The following PTBP2 variants were observed in gnomAD, a reference collection of about 807,000 sequenced individuals.
PTBP2 encodes polypyrimidine tract binding protein 2, also known as polypyrimidine tract-binding protein 2.
Under a neutral mutation model 61.4 loss-of-function variants are expected in PTBP2, and 13 were observed. The observed-to-expected ratio is 0.21, with a 90% CI of 0.14 to 0.34. PTBP2 has a LOEUF of 0.34. Among genes scored for constraint, PTBP2 ranks in the 10% least tolerant of loss-of-function variants. The pLI is 1.00. For missense variants in PTBP2, 405 were observed against 642.6 expected (o/e 0.63, Z 4.00); for synonymous variants, 215 against 218.5 (o/e 0.98, Z 0.14).
At chr1:96,734,013 A>T (rs892511321) in intron 2 of PTBP2, among the ~76,000 whole-genome samples, 1 of 152,188 alleles carries the variant, frequency 6.6e-6, no homozygotes, top group Non-Finnish European at 1.5e-5. Flanking sequence ...TTCTTAATTT[A>T]GTTCTAGGCA....
chr1:96,806,481 T>C lies in PTBP2; in HGVS notation c.1078+29T>C. The C allele has an allele frequency of 1.9e-6, 3 of 1,591,802 alleles. No homozygotes were observed. In the South Asian group the frequency reaches 3.3e-5, roughly 18 times the overall value. On this transcript the variant is annotated intron_variant, in intron 10 of 13. Coordinates refer to ENST00000674951, the MANE Select transcript of PTBP2 (RefSeq NM_021190.4). ...TGTTATTGTTAGCACTATACTTTTATTATTGATTTGATTTTTGTTTCACCT... is the reference window on the plus strand; with the variant it reads ...TGTTATTGTTAGCACTATACTTTTACTATTGATTTGATTTTTGTTTCACCT...
chr1:96,739,676 G>A, intron 2 of PTBP2, among the ~76,000 whole-genome samples: 1 of 143,806 alleles, frequency 7.0e-6, no homozygotes, highest in Middle Eastern at 3.5e-3. Context: ...GCCCAGGCTG[G>A]AGTGCAGTGG....
chr1:96,733,916 G>A (rs1273832564), intron 2 of PTBP2, among the ~76,000 whole-genome samples: 3 of 152,112 alleles, frequency 2.0e-5, no homozygotes, highest in African/African-American at 7.2e-5. Context: ...AGTATTTCAT[G>A]GAGTGCTATG....
chr1:96,811,755 T>G (rs1349678083), intron 11 of PTBP2, among the ~76,000 whole-genome samples: 3 of 152,220 alleles, frequency 2.0e-5, no homozygotes, highest in African/African-American at 7.2e-5. Context: ...ATTATAGTCA[T>G]TTAGACCTTC....
At chr1:96,815,577 GT>G (rs1472604631), downstream of PTBP2, 1 of 152,000 alleles carries the variant, frequency 6.6e-6, no homozygotes, top group Non-Finnish European at 1.5e-5. Flanking sequence ...TAACTTTGGA[GT>G]TACACATGTT....
intron 2 of PTBP2, among the ~76,000 whole-genome samples, chr1:96,740,863 A>T (rs961726804): frequency 2.6e-5 from 4 of 151,800 alleles, no homozygotes; most frequent in African/African-American, 9.7e-5. Context: ...TTAATATTTG[A>T]CGAGATTGAT....
intron 2 of PTBP2, among the ~76,000 whole-genome samples, chr1:96,727,520 A>G (rs1288778059): frequency 2.6e-5 from 4 of 152,184 alleles, no homozygotes; most frequent in African/African-American, 7.2e-5. Flanking sequence ...TCAGCATGGT[A>G]TGAAATTTCC....
intron 5 of PTBP2, among the ~76,000 whole-genome samples, chr1:96,774,922 G>C (rs1221862013): frequency 6.6e-6 from 1 of 152,146 alleles, no homozygotes; most frequent in African/African-American, 2.4e-5. Flanking sequence ...AACCTGGCAT[G>C]TTTTCTCTTG....
intron 3 of PTBP2, among the ~76,000 whole-genome samples, chr1:96,754,580 T>G (rs983342968): frequency 2.0e-5 from 3 of 152,154 alleles, no homozygotes; most frequent in Non-Finnish European, 2.9e-5. Context: ...GAGGAAAAAT[T>G]GGAGCATTGA....
At chr1:96,765,752 T>A (rs11165719) in intron 3 of PTBP2, among the ~76,000 whole-genome samples, 2,731 of 117,936 alleles carry the variant, frequency 0.023, 76 homozygotes, top group African/African-American at 0.071. Context: ...AGATAGATAC[T>A]GTGAAACCCA....
chr1:96,789,700 T>G (rs567200027), intron 8 of PTBP2, among the ~76,000 whole-genome samples: 1 of 152,232 alleles, frequency 6.6e-6, no homozygotes, highest in Admixed American at 6.5e-5. Context: ...AATTTATTAT[T>G]AGAGATTTCA....
intron 8 of PTBP2, among the ~76,000 whole-genome samples, chr1:96,796,350 TAC>T (rs1660387942): frequency 6.6e-6 from 1 of 151,700 alleles, no homozygotes; most frequent in South Asian, 2.1e-4. Flanking sequence ...TCATCAGTGT[TAC>T]AGTCATTATT....
At chr1:96,748,962 A>G (rs1654186214) in intron 2 of PTBP2, among the ~76,000 whole-genome samples, 1 of 152,214 alleles carries the variant, frequency 6.6e-6, no homozygotes, top group Admixed American at 6.5e-5. Flanking sequence ...TGTAATTTGT[A>G]AAAATACTCC....
At chr1:96,756,137 G>A (rs1427175506) in intron 3 of PTBP2, among the ~76,000 whole-genome samples, 5 of 152,138 alleles carry the variant, frequency 3.3e-5, no homozygotes, top group Admixed American at 1.3e-4. Flanking sequence ...AGTGGCTTAC[G>A]CCTGTAATCC....
At chr1:96,812,133 A>C (rs1418717926) in intron 11 of PTBP2, among the ~76,000 whole-genome samples, 2 of 152,216 alleles carry the variant, frequency 1.3e-5, no homozygotes, top group East Asian at 3.8e-4. Context: ...GGTATAAGCC[A>C]TGTTAAAGAA....
intron 8 of PTBP2, among the ~76,000 whole-genome samples, chr1:96,791,826 C>CTTTTTTTTGTTTTTT (rs1482989030): frequency 1.2e-4 from 8 of 66,122 alleles, no homozygotes; most frequent in Admixed American, 1.7e-4. Flanking sequence ...TGGAGTTGTG[C>CTTTTTTTTGTTTTTT]TTTTTTTTTT....
chr1:96,744,317 T>C (rs1208180394), intron 2 of PTBP2, among the ~76,000 whole-genome samples: 1 of 152,182 alleles, frequency 6.6e-6, no homozygotes, highest in Non-Finnish European at 1.5e-5. Flanking sequence ...TCTTTACATA[T>C]ATATATATTT....
At position 96,806,470 on chromosome 1, in the gene PTBP2, C is replaced by T. The variant is rs1661503415; in HGVS notation, c.1078+18C>T. 6.3e-7 allele frequency: 1 copy of T among 1,599,526 alleles called. No homozygotes were observed. Among genetic ancestry groups the T allele is most frequent in the East Asian group, 2.2e-5 (1 of 44,786 alleles). On this transcript the variant is annotated intron_variant, in intron 10 of 13. Transcript: ENST00000674951. The stretch of plus-strand genomic sequence containing the variant: ...CCTCTTCGGTATGTTATTGTTAGCA[C>T]TATACTTTTATTATTGATTTGATTT...
rs573170902 is a variant in PTBP2, at chr1:96,733,296, ATTACAATGGG to A, written c.39+9703_39+9712del. On this transcript the variant is annotated intron_variant, in intron 2 of 13. Transcript: ENST00000674951. ...GTTTCCCACTTACAGGGACCTTGTG[ATTACAATGGG>A]CCCAACTACATAATAGAGGATAAAT... is the stretch of plus-strand genomic sequence containing the variant. 4.9e-3 allele frequency among the ~76,000 whole-genome samples: 749 copies of A among 152,246 alleles called. 4 individuals are homozygous for A. Among genetic ancestry groups the A allele is most frequent in the African/African-American group, 0.018 (729 of 41,532 alleles).
Sources: allele counts gnomAD v4.1 joint callset (sites outside exome capture counted in the v4.1 genomes callset), GRCh38; gene constraint gnomAD v4.1.1; transcripts MANE v1.5; gene names NCBI Gene and HGNC (gene_info 2026-07-23, HGNC 2026-07-21).